EMCN: variants seen among roughly 807,000 people sequenced by gnomAD.
EMCN encodes the protein MUC-14.
A neutral mutation model predicts 38.4 loss-of-function variants in EMCN; 37 were observed. The observed-to-expected ratio is 0.96, with a 90% CI of 0.74 to 1.27. EMCN has a LOEUF of 1.27. Among genes scored for constraint, EMCN ranks in the 50% most tolerant of loss-of-function variants. The pLI is 0.00. For missense variants in EMCN, 318 were observed against 302.8 expected (o/e 1.05, Z -0.37); for synonymous variants, 95 against 100.8 (o/e 0.94, Z 0.35).
intron 5 of EMCN, chr4:100,445,994 T>G: frequency 1.1e-6 from 1 of 881,504 alleles, no homozygotes; most frequent in Non-Finnish European, 1.4e-6. Context: ...TCCACAAAAA[T>G]CAATTAAACT....
chr4:100,499,315 A>G (rs1346804260), intron 1 of EMCN, among the ~76,000 whole-genome samples: 1 of 152,192 alleles, frequency 6.6e-6, no homozygotes, highest in East Asian at 1.9e-4. Flanking sequence ...CGTATGTAAA[A>G]GTATTTTGTA....
chr4:100,444,267 T>C (rs1727603534), intron 5 of EMCN, among the ~76,000 whole-genome samples: 1 of 152,190 alleles, frequency 6.6e-6, no homozygotes, highest in African/African-American at 2.4e-5. Flanking sequence ...GCCCCAGAAA[T>C]CATGTCCATA....
At chr4:100,477,594 G>A (rs148613605) in intron 2 of EMCN, among the ~76,000 whole-genome samples, 1 of 152,348 alleles carries the variant, frequency 6.6e-6, no homozygotes, top group African/African-American at 2.4e-5. Context: ...TAAATTGTAT[G>A]TGATTTAGAA....
intron 3 of EMCN, among the ~76,000 whole-genome samples, chr4:100,467,371 C>G (rs1728345135): frequency 6.6e-6 from 1 of 152,140 alleles, no homozygotes; most frequent in Admixed American, 6.5e-5. Flanking sequence ...GCATGGTTGA[C>G]TAACATTTAT....
chr4:100,502,518 T>C (rs1386234516), intron 1 of EMCN, among the ~76,000 whole-genome samples: 1 of 152,234 alleles, frequency 6.6e-6, no homozygotes, highest in Admixed American at 6.5e-5. Flanking sequence ...CCTATATCAA[T>C]GTCCTATAAC....
At chr4:100,507,319 G>C (rs1020438541) in intron 1 of EMCN, among the ~76,000 whole-genome samples, 1 of 152,142 alleles carries the variant, frequency 6.6e-6, no homozygotes, top group Admixed American at 6.5e-5. Flanking sequence ...ACTAATATTT[G>C]TATTAACCAA....
intron 5 of EMCN, among the ~76,000 whole-genome samples, chr4:100,443,143 C>G (rs559968349): frequency 6.6e-6 from 1 of 152,366 alleles, no homozygotes; most frequent in African/African-American, 2.4e-5. Flanking sequence ...AGCCACCACA[C>G]CCAGCCCAGC....
intron 1 of EMCN, among the ~76,000 whole-genome samples, chr4:100,503,010 T>C (rs1729391294): frequency 6.6e-6 from 1 of 152,156 alleles, no homozygotes; most frequent in Non-Finnish European, 1.5e-5. Context: ...CTATACCATT[T>C]TTCTTTTATA....
chr4:100,515,929 A>G (rs1729744013), intron 1 of EMCN, among the ~76,000 whole-genome samples: 1 of 152,112 alleles, frequency 6.6e-6, no homozygotes, highest in South Asian at 2.1e-4. Context: ...CAATCCTTTC[A>G]TGCTCCACTC....
chr4:100,411,430 C>A (rs1006957896), intron 10 of EMCN, among the ~76,000 whole-genome samples: 4 of 152,128 alleles, frequency 2.6e-5, no homozygotes, highest in African/African-American at 9.7e-5. Context: ...TCATGCAAAG[C>A]AAGTCATTGA....
chr4:100,462,545 C>T lies in EMCN; in HGVS notation c.376+2878G>A, dbSNP rs576941305. Among the ~76,000 whole-genome samples the T allele has an allele frequency of 2.0e-5, 3 of 152,142 alleles. No homozygotes were observed. In the South Asian group the frequency reaches 6.2e-4, roughly 32 times the overall value. The stretch of plus-strand genomic sequence containing the variant: ...TACAAATTATTTGAGTCTAATTTTC[C>T]AGAAGCTGCTATACACTTTGCAGAT... On this transcript the variant is annotated intron_variant, in intron 4 of 11. Coordinates refer to ENST00000296420, the MANE Select transcript of EMCN (RefSeq NM_016242.4).
intron 5 of EMCN, among the ~76,000 whole-genome samples, chr4:100,429,178 C>G (rs1310981862): frequency 6.6e-6 from 1 of 152,088 alleles, no homozygotes; most frequent in Non-Finnish European, 1.5e-5. Flanking sequence ...GGACTCTGAG[C>G]ACCCTGACAC....
In EMCN at chr4:100,515,176, C is replaced by T. The variant is rs180915582; in HGVS notation, c.64+2675G>A. Among the ~76,000 whole-genome samples the T allele has an allele frequency of 1.4e-4, 22 of 152,224 alleles. No homozygotes were observed. The East Asian group carries it at 4.2e-3, about 29-fold the overall frequency. ...CCAAGTTAAGGCAAATTTCAAAAAG[C>T]AAGTGGCACTTGATGAGTAAGTGCA... On this transcript the variant is annotated intron_variant, in intron 1 of 11. Coordinates refer to ENST00000296420, the MANE Select transcript of EMCN (RefSeq NM_016242.4).
At chr4:100,475,302 TACACACACACACAC>T (rs59162117) in intron 2 of EMCN, among the ~76,000 whole-genome samples, 193 bp from the exon 3 acceptor site, 1 of 143,098 alleles carries the variant, frequency 7.0e-6, no homozygotes, top group African/African-American at 2.6e-5. Flanking sequence ...TTGGGTGGCC[TACACACACACACAC>T]ACACACACAC....
intron 1 of EMCN, among the ~76,000 whole-genome samples, chr4:100,498,626 C>A (rs1006780381): frequency 2.0e-5 from 3 of 152,026 alleles, no homozygotes; most frequent in Non-Finnish European, 4.4e-5. Context: ...GGATTACAGG[C>A]GCCCACCACC....
chr4:100,460,090 A>G (rs755825925), intron 4 of EMCN, among the ~76,000 whole-genome samples: 33 of 152,198 alleles, frequency 2.2e-4, no homozygotes, highest in Non-Finnish European at 3.1e-4. Flanking sequence ...AGCACTTTTT[A>G]TCTCTCATCT....
At chr4:100,473,969 C>G (rs1728565682) in intron 3 of EMCN, 1 of 152,858 alleles carries the variant, frequency 6.5e-6, no homozygotes, top group Non-Finnish European at 1.5e-5. Flanking sequence ...CTTCCCAAAG[C>G]CAAACTTGCA....
Position 100,479,960 on chromosome 4 carries a change from T to C in EMCN, c.144A>G (p.Leu48=). Residue 48 remains leucine (L), a synonymous_variant, in exon 2 of 12, where the codon TTA becomes TTG. Coordinates refer to ENST00000296420, the MANE Select transcript of EMCN (RefSeq NM_016242.4). ...TTGTTGGTGTGACAACATTTTTCTG[T>C]AATGATTCTGTGTTTGGTGTTGTTA... is the stretch of plus-strand genomic sequence containing the variant. The part of the protein sequence containing the change: ...PSITTPNTES[L]QKNVVTPTTG... 6.2e-7 allele frequency: 1 copy of C among 1,610,214 alleles called. No homozygotes were observed. The highest frequency in any genetic ancestry group is 8.5e-7 in the Non-Finnish European group (1 of 1,178,320).
intron 1 of EMCN, among the ~76,000 whole-genome samples, chr4:100,500,634 A>G (rs1201007061): frequency 6.6e-6 from 1 of 152,080 alleles, no homozygotes; most frequent in African/African-American, 2.4e-5. Flanking sequence ...TCAGTGTTTT[A>G]ATTTTATGTA....
Sources: gnomAD v4.1 joint callset for allele counts (sites outside exome capture counted in the v4.1 genomes callset) on GRCh38, gnomAD v4.1.1 for gene constraint, MANE v1.5 for transcripts, NCBI Gene and HGNC (gene_info 2026-07-23, HGNC 2026-07-21) for gene names.